Variants in HDAC9 observed in about 807,000 individuals in gnomAD.
The protein encoded by HDAC9 is MEF-2 interacting transcription repressor (MITR) protein.
Under a neutral mutation model 139.4 loss-of-function variants are expected in HDAC9, and 41 were observed. The observed-to-expected ratio is 0.29, with a 90% CI of 0.23 to 0.38. The LOEUF is 0.38. Among genes scored for constraint, HDAC9 ranks in the 10% least tolerant of loss-of-function variants. The pLI, the probability that HDAC9 is intolerant of heterozygous loss-of-function variation, is 1.00. For synonymous variants in HDAC9, 517 were observed against 476.2 expected (o/e 1.09, Z -1.12); for missense variants, 1,147 against 1,297.0 (o/e 0.88, Z 1.78).
intron 17 of HDAC9, among the ~76,000 whole-genome samples, chr7:18,802,780 A>G (rs1450672986): frequency 1.3e-5 from 2 of 151,628 alleles, no homozygotes; most frequent in African/African-American, 4.8e-5. Flanking sequence ...ATCCTCAATT[A>G]TATTTATGAT....
intron 2 of HDAC9, among the ~76,000 whole-genome samples, chr7:18,511,957 A>C (rs1359234073): frequency 6.6e-6 from 1 of 151,866 alleles, no homozygotes; most frequent in Non-Finnish European, 1.5e-5. Flanking sequence ...CCAGGAATGC[A>C]AGATTGGTTA....
At chr7:18,528,946 T>C (rs1351381409) in intron 2 of HDAC9, among the ~76,000 whole-genome samples, 1 of 152,208 alleles carries the variant, frequency 6.6e-6, no homozygotes, top group African/African-American at 2.4e-5. Flanking sequence ...ATGGCTATTT[T>C]AGCCATCAGA....
At chr7:18,661,020 T>C (rs1792959516) in intron 11 of HDAC9, among the ~76,000 whole-genome samples, 1 of 152,122 alleles carries the variant, frequency 6.6e-6, no homozygotes, top group Non-Finnish European at 1.5e-5. Flanking sequence ...CTGTAAGAGA[T>C]TGTACTGTTG....
intron 2 of HDAC9, among the ~76,000 whole-genome samples, chr7:18,522,970 G>C (rs2128219418): frequency 6.6e-6 from 1 of 152,304 alleles, no homozygotes; most frequent in Admixed American, 6.5e-5. Context: ...ACATTGTCTA[G>C]AGTGGAGGAA....
chr7:18,889,476 G>A (rs1800482106), intron 22 of HDAC9, among the ~76,000 whole-genome samples: 2 of 152,024 alleles, frequency 1.3e-5, no homozygotes, highest in South Asian at 2.1e-4. Flanking sequence ...TATATTTAAA[G>A]TCAATCTCTT....
intron 22 of HDAC9, among the ~76,000 whole-genome samples, chr7:18,891,027 A>G (rs190941915): frequency 2.0e-5 from 3 of 152,294 alleles, no homozygotes; most frequent in South Asian, 2.1e-4. Context: ...TTTGTGCGCT[A>G]TATAAAATCC....
chr7:18,634,890 A>G, intron 8 of HDAC9, 148 bp downstream of exon 8: 1 of 548,142 alleles, frequency 1.8e-6, no homozygotes. Flanking sequence ...AAACCAATTG[A>G]AAAAAATTGA....
At chr7:18,189,871 C>T (rs184460238) in intron 2 of HDAC9, among the ~76,000 whole-genome samples, 88 of 152,108 alleles carry the variant, frequency 5.8e-4, no homozygotes, top group African/African-American at 2.0e-3. Context: ...TTTATGTGAG[C>T]ACAATGTGAA....
At chr7:18,861,365 T>C (rs781323651) in intron 21 of HDAC9, among the ~76,000 whole-genome samples, 2 of 152,182 alleles carry the variant, frequency 1.3e-5, no homozygotes, top group Non-Finnish European at 2.9e-5. Flanking sequence ...GCAAAATCTG[T>C]TAATTCTGTT....
At chr7:18,831,254 A>C (rs1042889710) in intron 19 of HDAC9, among the ~76,000 whole-genome samples, 1 of 152,248 alleles carries the variant, frequency 6.6e-6, no homozygotes, top group African/African-American at 2.4e-5. Flanking sequence ...ATCTAGACTC[A>C]AAAGTAGTGA....
chr7:18,206,119 C>T (rs544953311), intron 2 of HDAC9, among the ~76,000 whole-genome samples: 1 of 151,932 alleles, frequency 6.6e-6, no homozygotes, highest in Non-Finnish European at 1.5e-5. Flanking sequence ...TTTATGAAAA[C>T]CTGATTGGAA....
intron 2 of HDAC9, among the ~76,000 whole-genome samples, chr7:18,551,480 G>A (rs542345547): frequency 1.8e-3 from 277 of 152,270 alleles, no homozygotes; most frequent in Non-Finnish European, 2.0e-3. Flanking sequence ...TCAGGGAATA[G>A]ACAAGGAACC....
intron 21 of HDAC9, among the ~76,000 whole-genome samples, chr7:18,870,496 C>G (rs912208966): frequency 6.6e-6 from 1 of 152,108 alleles, no homozygotes; most frequent in Non-Finnish European, 1.5e-5. Flanking sequence ...AGTATTGATG[C>G]TGATATGTCC....
chr7:18,311,353 G>A (rs1478009988), intron 1 of HDAC9, among the ~76,000 whole-genome samples: 1 of 151,872 alleles, frequency 6.6e-6, no homozygotes, highest in Non-Finnish European at 1.5e-5. Flanking sequence ...AAGAAATAAT[G>A]AATCAACTTT....
At chr7:18,529,184 G>GA (rs981444327) in intron 2 of HDAC9, among the ~76,000 whole-genome samples, 6 of 149,250 alleles carry the variant, frequency 4.0e-5, no homozygotes, top group Non-Finnish European at 8.9e-5. Flanking sequence ...AACCAGAGAA[G>GA]AAAAAAAAAA....
At chr7:18,558,856 T>A (rs1236395106) in intron 2 of HDAC9, among the ~76,000 whole-genome samples, 2 of 152,232 alleles carry the variant, frequency 1.3e-5, no homozygotes, top group African/African-American at 4.8e-5. Context: ...GCTGCATGGA[T>A]ACACCTGAAA....
At chr7:18,393,535 G>A (rs1212316091) in intron 1 of HDAC9, among the ~76,000 whole-genome samples, 1 of 152,124 alleles carries the variant, frequency 6.6e-6, no homozygotes, top group Admixed American at 6.6e-5. Context: ...AAGGATGGAT[G>A]AGGTGAGGCA....
chr7:18,095,386 T>A (rs890910302), intron 1 of HDAC9, among the ~76,000 whole-genome samples: 1 of 152,198 alleles, frequency 6.6e-6, no homozygotes, highest in Non-Finnish European at 1.5e-5. Context: ...ATTTGCATTT[T>A]TATTACCCCA....
At chr7:18,590,974 A>G (rs183415048) in intron 4 of HDAC9, among the ~76,000 whole-genome samples, 1 of 152,332 alleles carries the variant, frequency 6.6e-6, no homozygotes, top group African/African-American at 2.4e-5. Flanking sequence ...ATTCCCCTGT[A>G]TTAGGTCAGT....
Sources: gnomAD v4.1 joint callset for allele counts (sites outside exome capture counted in the v4.1 genomes callset) on GRCh38, gnomAD v4.1.1 for gene constraint, MANE v1.5 for transcripts, NCBI Gene and HGNC (gene_info 2026-07-23, HGNC 2026-07-21) for gene names.